The following DOCK8 variants were observed in gnomAD, a reference collection of about 807,000 sequenced individuals.
DOCK8 encodes dedicator of cytokinesis protein 8.
In DOCK8, 141 loss-of-function variants were observed where a neutral mutation model predicts 245.6. That is an observed-to-expected ratio of 0.57 (90% CI 0.50 to 0.66). The LOEUF is 0.66. DOCK8 is among the 30% of genes least tolerant of loss of function. The pLI, the probability that DOCK8 is intolerant of heterozygous loss-of-function variation, is 0.00. For missense variants in DOCK8, 2,965 were observed against 2,603.4 expected, an observed-to-expected ratio of 1.14 and a Z score of -3.02; for synonymous variants, 1,168 against 970.2, an observed-to-expected ratio of 1.20 and a Z score of -3.79.
chr9:304,574 A>G lies in DOCK8; in HGVS notation c.405-7A>G, dbSNP rs768596452. Reference sequence around the variant, plus strand: ...TCTCTCTCCAAATTAAATATCAACCATAAAAGAAACCAAGGAAGTCCAGAA... The same window carrying G: ...TCTCTCTCCAAATTAAATATCAACCGTAAAAGAAACCAAGGAAGTCCAGAA... On this transcript the variant is annotated splice_region_variant and splice_polypyrimidine_tract_variant and intron_variant, in intron 4 of 47. Transcript: ENST00000432829. 18 of 1,613,968 alleles carry G rather than the reference A, an allele frequency of 1.1e-5. No individual in the cohort carries two copies. The highest frequency in any genetic ancestry group is 1.3e-5 in the Non-Finnish European group (15 of 1,180,012).
chr9:219,911 A>G (rs1263517074), intron 1 of DOCK8, among the ~76,000 whole-genome samples: 1 of 152,182 alleles, frequency 6.6e-6, no homozygotes, highest in Non-Finnish European at 1.5e-5. Context: ...AAAAAGGAAC[A>G]AACCCAATAA....
In DOCK8 at chr9:354,767, TG is replaced by T. The variant is rs552030042; in HGVS notation, c.1680-13245del. Among the ~76,000 whole-genome samples, 30 of 152,224 alleles carry T rather than the reference TG, an allele frequency of 2.0e-4. No homozygotes were observed. The South Asian group carries it at 5.8e-3, about 30-fold the overall frequency. ...TTAAGTTCCTTAACATGTTTTCTCA[TG>T]GGGGGCAGCTCACAGTGTAGCAATT... On this transcript the variant is annotated intron_variant, in intron 14 of 47. Transcript: ENST00000432829.
intron 4 of DOCK8, among the ~76,000 whole-genome samples, chr9:290,544 T>A (rs569109592): frequency 2.6e-5 from 4 of 152,320 alleles, no homozygotes; most frequent in African/African-American, 9.6e-5. Flanking sequence ...GATCTTTCTC[T>A]CCTGGATTAA....
intron 35 of DOCK8, 81 bp from the exon 36 acceptor site, chr9:429,621 T>G: frequency 1.9e-6 from 3 of 1,555,892 alleles, no homozygotes; most frequent in Admixed American, 3.3e-5. Context: ...CTTGTCCAAA[T>G]GGACATTTGC....
At chr9:295,783 C>T (rs748540494) in intron 4 of DOCK8, among the ~76,000 whole-genome samples, 4 of 152,114 alleles carry the variant, frequency 2.6e-5, no homozygotes, top group Non-Finnish European at 5.9e-5. Context: ...TTTTGAATCC[C>T]ACTTAGGGGG....
intron 28 of DOCK8, among the ~76,000 whole-genome samples, chr9:411,414 A>AAATAAT (rs56390475): frequency 2.0e-5 from 3 of 148,366 alleles, no homozygotes; most frequent in South Asian, 2.1e-4. Context: ...ACTCCATCAC[A>AAATAAT]AATAATAATA....
chr9:329,601 A>G (rs1449711859), intron 9 of DOCK8, among the ~76,000 whole-genome samples: 6 of 152,328 alleles, frequency 3.9e-5, no homozygotes, highest in South Asian at 4.1e-4. Flanking sequence ...TTTCGTTGCA[A>G]TATTACTTAG....
intron 17 of DOCK8, 149 bp from the exon 18 acceptor site, chr9:372,036 C>A: frequency 1.4e-6 from 1 of 730,902 alleles, no homozygotes; most frequent in Non-Finnish European, 2.3e-6. Flanking sequence ...ATTTAAAATG[C>A]AAAGAACTGG....
At position 312,100 on chromosome 9, in the gene DOCK8, G is replaced by A. The variant is rs781538473; in HGVS notation, c.675G>A (p.Gln225=). 2 of 1,614,240 alleles carry A rather than the reference G, an allele frequency of 1.2e-6. No homozygotes were observed. Among genetic ancestry groups the A allele is most frequent in the South Asian group, 2.2e-5 (2 of 91,082 alleles). The stretch of plus-strand genomic sequence containing the variant: ...TGAGTGCCGAGGACTTTGAGAAGCA[G>A]AACGAGGAGGCCCGGAGGACCAATA... The part of the protein sequence containing the change: ...QQVSAEDFEK[Q]NEEARRTNRQ... Residue 225 remains glutamine, a synonymous_variant, in exon 6 of 48, where the codon CAG becomes CAA. Transcript: ENST00000432829.
chr9:440,566 C>T (rs2057061846), intron 40 of DOCK8, among the ~76,000 whole-genome samples: 1 of 151,842 alleles, frequency 6.6e-6, no homozygotes, highest in Admixed American at 6.6e-5. Flanking sequence ...CTCATTTTTC[C>T]TCAAACTCAA....
At chr9:221,577 C>G (rs1244687290) in intron 1 of DOCK8, among the ~76,000 whole-genome samples, 1 of 150,936 alleles carries the variant, frequency 6.6e-6, no homozygotes, top group Non-Finnish European at 1.5e-5. Context: ...TTTTGGAGGC[C>G]AAGGTGAGTG....
chr9:289,127 G>A (rs2048938099), intron 3 of DOCK8, among the ~76,000 whole-genome samples: 1 of 152,114 alleles, frequency 6.6e-6, no homozygotes, highest in Admixed American at 6.5e-5. Flanking sequence ...GTCCTAACAA[G>A]GTTACACATG....
At chr9:212,392 C>T (rs952882138), upstream of DOCK8, among the ~76,000 whole-genome samples, 4 of 151,912 alleles carry the variant, frequency 2.6e-5, no homozygotes, top group Admixed American at 6.6e-5. Flanking sequence ...CACAAAGATA[C>T]GGAGAAAGAG....
chr9:358,778 A>G (rs1052355547), intron 14 of DOCK8, among the ~76,000 whole-genome samples: 2 of 152,176 alleles, frequency 1.3e-5, no homozygotes, highest in Non-Finnish European at 2.9e-5. Flanking sequence ...GAGCCCAGAA[A>G]GTGGAGGTTG....
chr9:217,624 C>T (rs1369772852), intron 1 of DOCK8, among the ~76,000 whole-genome samples: 1 of 152,136 alleles, frequency 6.6e-6, no homozygotes, highest in Non-Finnish European at 1.5e-5. Context: ...TGCTAAGGAG[C>T]TTGGCAGAAA....
intron 44 of DOCK8, 96 bp from the exon 45 acceptor site, chr9:449,688 C>T (rs1162136401): frequency 2.6e-6 from 4 of 1,537,352 alleles, no homozygotes; most frequent in African/African-American, 1.4e-5. Flanking sequence ...CTAGCTGCCT[C>T]TTCAAATTCA....
At chr9:213,403 C>T (rs890485821), upstream of DOCK8, 1 of 152,118 alleles carries the variant, frequency 6.6e-6, no homozygotes, top group African/African-American at 2.4e-5. Flanking sequence ...TATAATGAGG[C>T]TCACAAATGT....
intron 28 of DOCK8, among the ~76,000 whole-genome samples, chr9:412,404 CAAAAAAA>C (rs59340573): frequency 5.0e-5 from 5 of 100,796 alleles, no homozygotes; most frequent in African/African-American, 1.4e-4. Flanking sequence ...GACCCTGTCT[CAAAAAAA>C]AAAAAAAAAA....
rs765170867 is a variant in DOCK8, at chr9:336,723, C to G, written c.1422+5C>G. The G allele has an allele frequency of 6.2e-6, 10 of 1,613,950 alleles. No individual in the cohort carries two copies. Among genetic ancestry groups the G allele is most frequent in the Non-Finnish European group, 2.5e-6 (3 of 1,179,890 alleles). ...GTTAGCAGCTTTTTCAAGCAGGTAT[C>G]TCTTCACATTACAGTGTGTCTGGAT... On this transcript the variant is annotated splice_donor_5th_base_variant and intron_variant, in intron 12 of 47. Transcript: ENST00000432829.
Sources: allele counts gnomAD v4.1 joint callset (sites outside exome capture counted in the v4.1 genomes callset), GRCh38; gene constraint gnomAD v4.1.1; transcripts MANE v1.5; gene names NCBI Gene and HGNC (gene_info 2026-07-23, HGNC 2026-07-21).